Variants in USP34 observed in about 807,000 individuals in gnomAD.
USP34 encodes ubiquitin specific peptidase 34.
USP34 carries 70 observed loss-of-function variants against 460.3 expected under a neutral mutation model. The ratio of observed to expected loss-of-function variants is 0.15; its 90% CI spans 0.13 to 0.19. The LOEUF (loss-of-function observed/expected upper bound fraction) is 0.19. Ranked by LOEUF, USP34 falls within the 10% of genes least tolerant of loss-of-function variation. The probability of loss-of-function intolerance (pLI) is 1.00; values close to 1 mark genes in which losing one functional copy is unlikely to be tolerated. For missense variants in USP34, 3,985 were observed against 4,236.2 expected, an observed-to-expected ratio of 0.94 and a Z score of 1.65; for synonymous variants, 1,647 against 1,405.3, an observed-to-expected ratio of 1.17 and a Z score of -3.85.
At chr2:61,346,013 C>T (rs1367192403) in intron 15 of USP34, among the ~76,000 whole-genome samples, 1 of 152,140 alleles carries the variant, frequency 6.6e-6, no homozygotes, top group African/African-American at 2.4e-5. Context: ...GTATATTTCA[C>T]AGATAACCAA....
chr2:61,252,139 G>A (rs1688601058), intron 48 of USP34, among the ~76,000 whole-genome samples: 1 of 152,170 alleles, frequency 6.6e-6, no homozygotes, highest in African/African-American at 2.4e-5. Context: ...CAGGGCCAAG[G>A]AGGTCTTTGG....
At chr2:61,436,452 A>G (rs1694814174) in intron 1 of USP34, among the ~76,000 whole-genome samples, 1 of 152,204 alleles carries the variant, frequency 6.6e-6, no homozygotes, top group Non-Finnish European at 1.5e-5. Flanking sequence ...AAAGTTGTAA[A>G]AGGAGACAAA....
Position 61,265,977 on chromosome 2 carries a change from T to C in USP34, c.5617+7A>G. On this transcript the variant is annotated splice_region_variant and intron_variant, in intron 42 of 79. Transcript: ENST00000398571. ...TATAAAGATTAAAGGAAAAGAAGAA[T>C]GCTTACACTGCATGTGTTGTGCCAT... The C allele has an allele frequency of 3.8e-6, 6 of 1,574,088 alleles. No individual in the cohort carries two copies. The highest frequency in any genetic ancestry group is 4.3e-6 in the Non-Finnish European group (5 of 1,154,418).
intron 37 of USP34, among the ~76,000 whole-genome samples, chr2:61,281,796 G>A (rs1369449478): frequency 6.6e-6 from 1 of 152,068 alleles, no homozygotes; most frequent in Non-Finnish European, 1.5e-5. Context: ...GAATAATTGA[G>A]TAAGGACATT....
chr2:61,448,390 T>C (rs1204624776), intron 1 of USP34, among the ~76,000 whole-genome samples: 4 of 152,076 alleles, frequency 2.6e-5, no homozygotes, highest in Non-Finnish European at 5.9e-5. Context: ...GGTTCAAGTC[T>C]GTAGTAAGCT....
At chr2:61,204,125 C>T (rs1687049811) in intron 74 of USP34, 131 bp downstream of exon 74, 2 of 1,249,984 alleles carry the variant, frequency 1.6e-6, no homozygotes, top group Non-Finnish European at 2.2e-6. Flanking sequence ...GGAAAAAGTC[C>T]AAATGAATCT....
At chr2:61,469,299 G>A (rs1485128186) in intron 1 of USP34, among the ~76,000 whole-genome samples, 1 of 152,122 alleles carries the variant, frequency 6.6e-6, no homozygotes, top group East Asian at 1.9e-4. Flanking sequence ...CAAGTTGAGC[G>A]TAACAATCAT....
chr2:61,365,226 T>C (rs964215619), intron 10 of USP34, among the ~76,000 whole-genome samples: 1 of 149,146 alleles, frequency 6.7e-6, no homozygotes, highest in African/African-American at 2.5e-5. Flanking sequence ...CACTCCAGCC[T>C]GGGCAACAGA....
chr2:61,205,744 G>A (rs1184533892), intron 72 of USP34, among the ~76,000 whole-genome samples: 1 of 152,158 alleles, frequency 6.6e-6, no homozygotes, highest in African/African-American at 2.4e-5. Context: ...TGCTTACATA[G>A]GATAACAAGA....
At chr2:61,337,128 C>T (rs540918697) in intron 18 of USP34, among the ~76,000 whole-genome samples, 3 of 152,116 alleles carry the variant, frequency 2.0e-5, no homozygotes, top group Non-Finnish European at 2.9e-5. Flanking sequence ...AATCAAGAAA[C>T]GAATCAGTAT....
intron 35 of USP34, among the ~76,000 whole-genome samples, chr2:61,284,352 G>A (rs1022505821): frequency 6.6e-6 from 1 of 152,066 alleles, no homozygotes; most frequent in Non-Finnish European, 1.5e-5. Context: ...TAACTGGCCT[G>A]CATTACTTGA....
chr2:61,276,407 ATGTACTCATTTTTTAG>A, intron 41 of USP34, among the ~76,000 whole-genome samples: 2 of 152,228 alleles, frequency 1.3e-5, no homozygotes, highest in Middle Eastern at 6.8e-3. Context: ...TTCTTTTTTA[ATGTACTCATTTTTTAG>A]TGAAAATCGA....
intron 75 of USP34, among the ~76,000 whole-genome samples, chr2:61,195,073 G>A (rs1448324149): frequency 1.3e-5 from 2 of 150,830 alleles, no homozygotes; most frequent in African/African-American, 2.4e-5. Context: ...TACAAAAATT[G>A]GCTGGGTGTG....
At chr2:61,381,285 C>CACAA (rs142410091) in intron 6 of USP34, among the ~76,000 whole-genome samples, 1 of 148,282 alleles carries the variant, frequency 6.7e-6, no homozygotes, top group Non-Finnish European at 1.5e-5. Flanking sequence ...CACACACACA[C>CACAA]AAAACTACCT....
At chr2:61,401,149 C>CA (rs60805364) in intron 3 of USP34, among the ~76,000 whole-genome samples, 51,064 of 104,620 alleles carry the variant, frequency 0.49, 12,018 homozygotes, top group African/African-American at 0.56. Context: ...GACTCTGTCT[C>CA]AAAAAAAAAA....
intron 1 of USP34, among the ~76,000 whole-genome samples, chr2:61,423,895 T>A (rs180975621): frequency 1.3e-5 from 2 of 152,310 alleles, no homozygotes; most frequent in Admixed American, 1.3e-4. Flanking sequence ...AGTTCAACGC[T>A]ATAGTGAGAT....
chr2:61,242,566 G>A (rs567276717), intron 51 of USP34, among the ~76,000 whole-genome samples: 18 of 151,576 alleles, frequency 1.2e-4, no homozygotes, highest in African/African-American at 4.1e-4. Context: ...TCTAGAATTT[G>A]AATAAGAAAG....
At position 61,403,042 on chromosome 2, in the gene USP34, A is replaced by G. The variant is rs185843618; in HGVS notation, c.552+2666T>C. Reference sequence around the variant, plus strand: ...AAACCTCGGAAACAACTATTACGAAAAGAAAATTAAAGAGGCACATATCTA... The same window carrying G: ...AAACCTCGGAAACAACTATTACGAAGAGAAAATTAAAGAGGCACATATCTA... On this transcript the variant is annotated intron_variant, in intron 3 of 79. Transcript: ENST00000398571. 6.2e-4 allele frequency among the ~76,000 whole-genome samples: 94 copies of G among 152,252 alleles called. 1 individual carries two copies. Among genetic ancestry groups the G allele is most frequent in the African/African-American group, 2.0e-3 (83 of 41,562 alleles).
At chr2:61,341,599 G>A (rs561810888) in intron 16 of USP34, among the ~76,000 whole-genome samples, 2 of 151,660 alleles carry the variant, frequency 1.3e-5, no homozygotes. Flanking sequence ...CTTCTGCCAT[G>A]AGACCCCTGC....
Sources: gnomAD v4.1 joint callset for allele counts (sites outside exome capture counted in the v4.1 genomes callset) on GRCh38, gnomAD v4.1.1 for gene constraint, MANE v1.5 for transcripts, NCBI Gene and HGNC (gene_info 2026-07-23, HGNC 2026-07-21) for gene names.